Variants in MYBBP1A observed in about 807,000 individuals in gnomAD.
MYBBP1A encodes the protein myb-binding protein 1A.
In MYBBP1A, 147 loss-of-function variants were observed where a neutral mutation model predicts 136.3. The observed-to-expected ratio is 1.08, with a 90% confidence interval of 0.94 to 1.24. The LOEUF is 1.24. Among genes scored for constraint, MYBBP1A ranks in the 50% most tolerant of loss-of-function variants. MYBBP1A has a pLI of 0.00. For missense variants in MYBBP1A, 2,060 were observed against 1,727.4 expected (o/e 1.19, Z -3.41); for synonymous variants, 947 against 735.8 (o/e 1.29, Z -4.65).
rs766944658 is a variant in MYBBP1A, at chr17:4,542,925, G to C, written c.2880C>G (p.Pro960=). ...AGGCCCTGCTCACCTGCGGGCCCGTGGGCATGTGGCTGGGGTCAGTGCCAG... is the reference window on the plus strand; with the variant it reads ...AGGCCCTGCTCACCTGCGGGCCCGTCGGCATGTGGCTGGGGTCAGTGCCAG... ...QKAGTDPSHM[P]TGPQAASCLD... Residue 960 remains proline (P), a synonymous_variant, in exon 20 of 26, where the codon CCC becomes CCG. Coordinates refer to ENST00000254718, the MANE Select transcript of MYBBP1A (RefSeq NM_014520.4). 1.1e-5 allele frequency: 17 copies of C among 1,613,972 alleles called. No homozygotes were observed. The highest frequency in any genetic ancestry group is 1.4e-5 in the Non-Finnish European group (17 of 1,179,984).
Position 4,539,416 on chromosome 17 carries a change from C to A in MYBBP1A, c.3986G>T (p.Ter1329LeuextTer24). 1 of 1,608,024 alleles carries A rather than the reference C, an allele frequency of 6.2e-7. No homozygotes were observed. Among genetic ancestry groups the A allele is most frequent in the South Asian group, 1.1e-5 (1 of 90,810 alleles). Residue 1329 changes from the stop codon to leucine (L), a stop_lost, in exon 26 of 26, where the codon TGA (stop) becomes TTA (leucine). Coordinates refer to ENST00000254718, the MANE Select transcript of MYBBP1A (RefSeq NM_014520.4). Reference protein sequence around the residue: ...KAQVRKAGKP* With the variant: ...KAQVRKAGKPL The stretch of plus-strand genomic sequence containing the variant: ...GCTGAGGGGGGCCCGTACCTGTGCT[C>A]AGGGCTTCCCTGCCTTCCTCACCTG...
At position 4,541,754 on chromosome 17, in the gene MYBBP1A, G is replaced by A. The variant is rs373466853; in HGVS notation, c.3195+30C>T. ...TCTCCCGGAGAACTGATTCTGAGGG[G>A]GTGGGGAAAGGGCGCCCCCCGGCTG... On this transcript the variant is annotated intron_variant, in intron 23 of 25. Transcript: ENST00000254718. 4.6e-4 allele frequency: 721 copies of A among 1,574,832 alleles called. 22 individuals are homozygous for A. The South Asian group carries it at 6.2e-3, about 14-fold the overall frequency.
chr17:4,544,443 T>G, intron 19 of MYBBP1A, 46 bp downstream of exon 19: 1 of 1,539,648 alleles, frequency 6.5e-7, no homozygotes, highest in Non-Finnish European at 8.7e-7. Flanking sequence ...CTCCTGCGCC[T>G]GGGGGCTGCC....
Position 4,555,138 on chromosome 17 carries a change from C to T in MYBBP1A, c.187G>A (p.Gly63Ser), listed in dbSNP as rs1230735538. The change falls in exon 1 of 26, where the codon GGC becomes AGC. Residue 63 changes from glycine to serine, a missense_variant. Gly to Ser is a moderately conservative substitution (Grantham distance 56). Coordinates refer to ENST00000254718, the MANE Select transcript of MYBBP1A (RefSeq NM_014520.4). The part of the protein sequence containing the change: ...ATEKLLEYLR[G>S]RPKGSEMKYA... ...CCCCGCCACTCCACCTTCGGCCTGC[C>T]ACGCAGATACTCCAGCAGCTTCTCC... 2 of 1,593,966 alleles carry T rather than the reference C, an allele frequency of 1.3e-6. No individual in the cohort carries two copies.
chr17:4,541,734 C>T (rs1003269353), intron 23 of MYBBP1A, 50 bp downstream of exon 23: 18 of 1,546,272 alleles, frequency 1.2e-5, no homozygotes, highest in African/African-American at 4.1e-5. Flanking sequence ...ATCGGTCTCC[C>T]GGAGAACTGA....
rs375963321 is a variant in MYBBP1A, at chr17:4,545,787, G to C, written c.1922-26C>G. 24 of 1,607,906 alleles carry C rather than the reference G, an allele frequency of 1.5e-5. No individual in the cohort carries two copies. The South Asian group carries it at 2.7e-4, about 18-fold the overall frequency. On this transcript the variant is annotated intron_variant, in intron 14 of 25. Transcript: ENST00000254718. ...CTGCAAGAGGGAGGGGTTGAGCCCG[G>C]ATAGGGGACCGCTGGCCCCACCCCA...
intron 16 of MYBBP1A, 40 bp from the exon 17 acceptor site, chr17:4,545,215 C>T (rs1029940330): frequency 1.9e-6 from 3 of 1,612,840 alleles, no homozygotes; most frequent in African/African-American, 1.3e-5. Context: ...CCTCCCCGAT[C>T]GTCCCACTCC....
At position 4,550,061 on chromosome 17, in the gene MYBBP1A, T is replaced by G. The variant is rs376710205; in HGVS notation, c.1316A>C (p.His439Pro). ...TCCTCCCCCAAGGTCCACTCACATG[T>G]GGAGCGATGAATCCTGGGCTTTCTT... ...NQKKAQDSSL[H>P]MPERAVFRLR... The change falls in exon 9 of 26, where the codon CAC becomes CCC. Residue 439 changes from histidine (H) to proline (P), a missense_variant. Physicochemically the swap from His to Pro is moderately conservative, Grantham distance 77. Transcript: ENST00000254718. 126 of 1,610,194 alleles carry G rather than the reference T, an allele frequency of 7.8e-5. No individual in the cohort carries two copies. Among genetic ancestry groups the G allele is most frequent in the Non-Finnish European group, 9.8e-5 (115 of 1,177,390 alleles).
intron 13 of MYBBP1A, among the ~76,000 whole-genome samples, chr17:4,546,883 G>A (rs1690526421): frequency 6.6e-6 from 1 of 151,638 alleles, no homozygotes; most frequent in East Asian, 1.9e-4. Context: ...GTGTGCCCAA[G>A]CAGGTCCCCG....
chr17:4,540,511 T>C, intron 24 of MYBBP1A, 27 bp from the exon 25 acceptor site: 1 of 1,588,852 alleles, frequency 6.3e-7, no homozygotes, highest in Non-Finnish European at 8.6e-7. Flanking sequence ...GGCAGAGCTG[T>C]GGGGCCACAG....
At position 4,538,990 on chromosome 17, in the gene MYBBP1A, C is replaced by T; in HGVS notation, c.*425G>A. On this transcript the variant is annotated 3_prime_UTR_variant, in exon 26 of 26. Coordinates refer to ENST00000254718, the MANE Select transcript of MYBBP1A (RefSeq NM_014520.4). Reference sequence around the variant, plus strand: ...AATCTCAGAGTCTTAAGAGAGAAGCCAAATATATTCCTCTTGTAAATGAAG... The same window carrying T: ...AATCTCAGAGTCTTAAGAGAGAAGCTAAATATATTCCTCTTGTAAATGAAG... The T allele has an allele frequency of 2.5e-6, 2 of 805,394 alleles. No individual in the cohort carries two copies. Among genetic ancestry groups the T allele is most frequent in the Admixed American group, 1.7e-5 (1 of 59,008 alleles). The allele number at this position is 805,394 out of a possible 1,614,324, so 49.9% of individuals were successfully genotyped here.
Position 4,539,541 on chromosome 17 carries a change from C to G in MYBBP1A, c.3861G>C (p.Leu1287Phe). 1.2e-6 allele frequency: 2 copies of G among 1,614,112 alleles called. No individual in the cohort carries two copies. The highest frequency in any genetic ancestry group is 1.7e-6 in the Non-Finnish European group (2 of 1,180,016). Residue 1287 changes from leucine (L) to phenylalanine (F), a missense_variant, in exon 26 of 26, where the codon TTG becomes TTC. Transcript: ENST00000254718. Reference protein sequence around the residue: ...HQKALPKKGVLGKSPLSALAR... With the variant: ...HQKALPKKGVFGKSPLSALAR... ...CCAGCGCGGACAGTGGTGATTTGCC[C>G]AAGACCCCCTTTTTGGGAAGAGCCT...
chr17:4,546,182 G>C (rs1193001153), intron 13 of MYBBP1A, among the ~76,000 whole-genome samples: 3 of 152,172 alleles, frequency 2.0e-5, no homozygotes. Context: ...ACAGTGGTCT[G>C]ATCTCGGCTC....
chr17:4,554,751 CCTCT>C (rs1012537676), intron 2 of MYBBP1A, 106 bp downstream of exon 2: 5 of 1,056,102 alleles, frequency 4.7e-6, no homozygotes, highest in Admixed American at 4.4e-5. Context: ...CCACTCCCGA[CCTCT>C]CTCTCGGGCT....
At position 4,548,294 on chromosome 17, in the gene MYBBP1A, T is replaced by C; in HGVS notation, c.1573A>G (p.Ser525Gly). ...CCCGGTGCCTGCTTGAACTGCGTGCTGAGGGTCTGCAACAGACTGGGCAAG... is the reference window on the plus strand; with the variant it reads ...CCCGGTGCCTGCTTGAACTGCGTGCCGAGGGTCTGCAACAGACTGGGCAAG... ...SAFFSLLQTL[S>G]TQFKQAPGQT... Residue 525 changes from serine to glycine, a missense_variant, in exon 12 of 26, where the codon AGC (serine) becomes GGC (glycine). Coordinates refer to ENST00000254718, the MANE Select transcript of MYBBP1A (RefSeq NM_014520.4). This position sits in a 1 kb window ranked among gnomAD's most constrained non-coding sequence, Gnocchi z 4.2. The C allele has an allele frequency of 6.2e-7, 1 of 1,612,504 alleles. No homozygotes were observed. The highest frequency in any genetic ancestry group is 1.6e-4 in the Middle Eastern group (1 of 6,062).
At position 4,544,472 on chromosome 17, in the gene MYBBP1A, T is replaced by A. The variant is rs780535691; in HGVS notation, c.2639+17A>T. On this transcript the variant is annotated intron_variant, in intron 19 of 25. Coordinates refer to ENST00000254718, the MANE Select transcript of MYBBP1A (RefSeq NM_014520.4). Reference sequence around the variant, plus strand: ...GGCTGCCGGCCACACCTGCCCGCCCTGCACCCCCGTGCTCACGTGAAGATG... The same window carrying A: ...GGCTGCCGGCCACACCTGCCCGCCCAGCACCCCCGTGCTCACGTGAAGATG... 1 of 1,545,610 alleles carries A rather than the reference T, an allele frequency of 6.5e-7. No individual in the cohort carries two copies. Among genetic ancestry groups the A allele is most frequent in the Non-Finnish European group, 8.7e-7 (1 of 1,146,998 alleles).
Position 4,548,061 on chromosome 17 carries a change from C to G in MYBBP1A, c.1725-4G>C, listed in dbSNP as rs980294926. The G allele has an allele frequency of 1.3e-6, 2 of 1,581,202 alleles. No individual in the cohort carries two copies. Among genetic ancestry groups the G allele is most frequent in the East Asian group, 2.3e-5 (1 of 43,662 alleles). ...CTCCTTCAGAGTCTGCAGCATCCTG[C>G]GGGGAGACAGGCGATTCCCAGGCCC... On this transcript the variant is annotated splice_polypyrimidine_tract_variant and splice_region_variant and intron_variant, in intron 12 of 25. Transcript: ENST00000254718. The surrounding 1 kb of genome is among the most constrained non-coding windows in gnomAD (Gnocchi z 4.2).
In MYBBP1A at chr17:4,548,026, G is replaced by A; in HGVS notation, c.1756C>T (p.His586Tyr). 6.4e-7 allele frequency: 1 copy of A among 1,553,570 alleles called. No homozygotes were observed. Among genetic ancestry groups the A allele is most frequent in the Non-Finnish European group, 8.7e-7 (1 of 1,149,030 alleles). The change falls in exon 13 of 26, where the codon CAC (histidine) becomes TAC (tyrosine). Residue 586 changes from histidine (H) to tyrosine (Y), a missense_variant. Transcript: ENST00000254718. The surrounding 1 kb of genome is among the most constrained non-coding windows in gnomAD (Gnocchi z 4.2). ...MLQTLKELEA[H>Y]SAEARAAAFQ... ...GCAGCAGCCCTGGCCTCTGCGGAGT[G>A]GGCCTCCAGCTCCTTCAGAGTCTGC...
rs751040400 is a variant in MYBBP1A at position 4,542,726 on chromosome 17, C to T, written c.2908G>A (p.Asp970Asn). Residue 970 changes from aspartate to asparagine, a missense_variant, in exon 21 of 26, where the codon GAC (aspartate) becomes AAC (asparagine). Coordinates refer to ENST00000254718, the MANE Select transcript of MYBBP1A (RefSeq NM_014520.4). ...TACACCCGGGTCACCAGGTTCAAGTCCAAGCAGCTGGCAGCCTAGGCCAGG... is the reference window on the plus strand; with the variant it reads ...TACACCCGGGTCACCAGGTTCAAGTTCAAGCAGCTGGCAGCCTAGGCCAGG... ...PTGPQAASCL[D>N]LNLVTRVYST... 29 of 1,613,324 alleles carry T rather than the reference C, an allele frequency of 1.8e-5. No homozygotes were observed. Among genetic ancestry groups the T allele is most frequent in the Non-Finnish European group, 2.3e-5 (27 of 1,179,910 alleles).
Sources: allele counts gnomAD v4.1 joint callset (sites outside exome capture counted in the v4.1 genomes callset), GRCh38; gene constraint gnomAD v4.1.1; non-coding constraint Gnocchi (gnomAD v3.1); transcripts MANE v1.5; gene names NCBI Gene and HGNC (gene_info 2026-07-23, HGNC 2026-07-21).